The following STX8 variants were observed in gnomAD, a reference collection of about 807,000 sequenced individuals.
STX8 encodes the protein syntaxin 8, also known as syntaxin-8.
Under a neutral mutation model 37.5 loss-of-function variants are expected in STX8, and 23 were observed. The observed-to-expected ratio is 0.61, with a 90% CI of 0.44 to 0.87. The LOEUF (loss-of-function observed/expected upper bound fraction) is 0.87, where lower values mean the gene tolerates loss of function less well. Ranked by LOEUF, STX8 falls within the 40% of genes least tolerant of loss-of-function variation. STX8 has a pLI of 0.00. For missense variants in STX8, 313 were observed against 284.7 expected (o/e 1.10, Z -0.71); for synonymous variants, 115 against 99.1 (o/e 1.16, Z -0.95).
intron 6 of STX8, among the ~76,000 whole-genome samples, chr17:9,415,491 G>A (rs564475897): frequency 2.5e-4 from 38 of 151,708 alleles, no homozygotes; most frequent in Non-Finnish European, 5.0e-4. Flanking sequence ...ATGGCTTTTC[G>A]GCGGGTGCGG....
intron 6 of STX8, among the ~76,000 whole-genome samples, chr17:9,481,278 C>A (rs527383188): frequency 1.3e-5 from 2 of 152,350 alleles, no homozygotes; most frequent in Admixed American, 6.5e-5. Context: ...TTCCGGGTTA[C>A]AGCTCTGGGC....
intron 7 of STX8, among the ~76,000 whole-genome samples, chr17:9,298,051 A>G (rs1908630169): frequency 6.6e-6 from 1 of 152,164 alleles, no homozygotes; most frequent in Non-Finnish European, 1.5e-5. Context: ...TCTTCCCCAA[A>G]CAGCTTCAGG....
intron 4 of STX8, among the ~76,000 whole-genome samples, chr17:9,535,528 G>A (rs1479344342): frequency 6.9e-6 from 1 of 145,234 alleles, no homozygotes; most frequent in Non-Finnish European, 1.5e-5. Context: ...CACCTTCCGG[G>A]TTCACACCAT....
At chr17:9,281,096 A>T (rs1339764930) in intron 7 of STX8, among the ~76,000 whole-genome samples, 1 of 152,160 alleles carries the variant, frequency 6.6e-6, no homozygotes, top group Non-Finnish European at 1.5e-5. Flanking sequence ...TCACAGACGC[A>T]AATCTGCATT....
At chr17:9,435,657 G>C (rs1904406023) in intron 6 of STX8, among the ~76,000 whole-genome samples, 1 of 152,142 alleles carries the variant, frequency 6.6e-6, no homozygotes, top group South Asian at 2.1e-4. Flanking sequence ...AGAAGAAAAC[G>C]AGCGTTCGAT....
intron 7 of STX8, among the ~76,000 whole-genome samples, chr17:9,346,634 A>C (rs1023781200): frequency 6.6e-6 from 1 of 152,196 alleles, no homozygotes; most frequent in African/African-American, 2.4e-5. Context: ...ACATGCATCC[A>C]AATAAAGTAT....
intron 6 of STX8, among the ~76,000 whole-genome samples, chr17:9,386,234 T>C (rs1485220810): frequency 6.6e-6 from 1 of 152,078 alleles, no homozygotes; most frequent in Non-Finnish European, 1.5e-5. Flanking sequence ...TATCTGTTAA[T>C]GGAATACTAT....
At chr17:9,403,914 G>A (rs1388769215) in intron 6 of STX8, among the ~76,000 whole-genome samples, 1 of 152,052 alleles carries the variant, frequency 6.6e-6, no homozygotes. Flanking sequence ...CCAAAGTGCT[G>A]GGATTACGGG....
At position 9,274,744 on chromosome 17, in the gene STX8, C is replaced by CTTTTTTTTTTTTTTTTTTTTTTTTT; in HGVS notation, c.644-24100_644-24099insAAAAAAAAAAAAAAAAAAAAAAAAA. Among the ~76,000 whole-genome samples, 2 of 88,884 alleles carry CTTTTTTTTTTTTTTTTTTTTTTTTT rather than the reference C, an allele frequency of 2.3e-5. 1 individual carries two copies. Among genetic ancestry groups the CTTTTTTTTTTTTTTTTTTTTTTTTT allele is most frequent in the Non-Finnish European group, 4.5e-5 (2 of 44,070 alleles). The allele number at this position is 88,884 out of a possible 152,430, so 58.3% of individuals were successfully genotyped here. ...AAAGTCTTCAAAAATACAACAATTT[C>CTTTTTTTTTTTTTTTTTTTTTTTTT]TTTTTTCTTTTTTTTTTTTTTTTTT... On this transcript the variant is annotated intron_variant, in intron 7 of 7. Coordinates refer to ENST00000306357, the MANE Select transcript of STX8 (RefSeq NM_004853.3).
intron 4 of STX8, among the ~76,000 whole-genome samples, chr17:9,522,572 G>C (rs1306538795): frequency 6.7e-6 from 1 of 150,078 alleles, no homozygotes; most frequent in African/African-American, 2.5e-5. Context: ...AATTATCTGG[G>C]CATGTGGCGG....
rs538486417 is a variant in STX8 at position 9,406,705 on chromosome 17, G to A, written c.542-28052C>T. Among the ~76,000 whole-genome samples the A allele has an allele frequency of 5.5e-4, 83 of 152,210 alleles. 1 individual carries two copies. The highest frequency in any genetic ancestry group is 1.6e-3 in the African/African-American group (65 of 41,530). ...CTGCATATATTTTTAGCATTTTTAC[G>A]TAGCTAACTTTTTCTTAAAAATTTT... On this transcript the variant is annotated intron_variant, in intron 6 of 7. Transcript: ENST00000306357.
chr17:9,549,754 A>G (rs1452609374), intron 3 of STX8, among the ~76,000 whole-genome samples: 1 of 152,196 alleles, frequency 6.6e-6, no homozygotes, highest in Non-Finnish European at 1.5e-5. Context: ...GAATAAATTG[A>G]TTAATGAACC....
intron 5 of STX8, among the ~76,000 whole-genome samples, chr17:9,498,521 C>A (rs1457217727): frequency 1.3e-5 from 2 of 152,140 alleles, no homozygotes; most frequent in African/African-American, 2.4e-5. Context: ...GAAAGGAATC[C>A]TTCTAGTCTA....
chr17:9,545,378 C>T, intron 3 of STX8, 96 bp from the exon 4 acceptor site: 1 of 909,506 alleles, frequency 1.1e-6, no homozygotes, highest in Non-Finnish European at 1.8e-6. Context: ...GTGGCTTTTA[C>T]AGACTGTAAT....
intron 6 of STX8, among the ~76,000 whole-genome samples, chr17:9,382,171 TCACACACA>T (rs57809204): frequency 3.4e-5 from 5 of 146,972 alleles, no homozygotes; most frequent in Non-Finnish European, 6.0e-5. Flanking sequence ...AAGAAAACAC[TCACACACA>T]CACACACACA....
At chr17:9,482,908 G>A (rs1906406924) in intron 6 of STX8, among the ~76,000 whole-genome samples, 1 of 152,018 alleles carries the variant, frequency 6.6e-6, no homozygotes, top group Admixed American at 6.6e-5. Flanking sequence ...GAGCGAAACT[G>A]CGTCTCAAAA....
intron 6 of STX8, among the ~76,000 whole-genome samples, chr17:9,430,647 GGC>G (rs1301140668): frequency 1.5e-5 from 2 of 130,472 alleles, no homozygotes; most frequent in Non-Finnish European, 3.1e-5. Flanking sequence ...CAGTGGTTTT[GGC>G]TTTTTTTTTT....
At chr17:9,332,758 G>T (rs1278337212) in intron 7 of STX8, among the ~76,000 whole-genome samples, 2 of 152,088 alleles carry the variant, frequency 1.3e-5, no homozygotes, top group Non-Finnish European at 2.9e-5. Flanking sequence ...ATTTATGTGT[G>T]CCTGCTTACT....
chr17:9,384,631 C>T (rs1041154168), intron 6 of STX8, among the ~76,000 whole-genome samples: 61 of 151,756 alleles, frequency 4.0e-4, no homozygotes, highest in African/African-American at 1.4e-3. Context: ...CAGAGCGAGA[C>T]TCCATCTCAA....
Sources: allele counts gnomAD v4.1 joint callset (sites outside exome capture counted in the v4.1 genomes callset), GRCh38; gene constraint gnomAD v4.1.1; transcripts MANE v1.5; gene names NCBI Gene and HGNC (gene_info 2026-07-23, HGNC 2026-07-21).